The following RTRAF variants were observed in gnomAD, a reference collection of about 807,000 sequenced individuals.
RTRAF encodes RNA transcription, translation and transport factor.
A neutral mutation model predicts 34.4 loss-of-function variants in RTRAF; 14 were observed. That is an observed-to-expected ratio of 0.41 (90% CI 0.27 to 0.64). The LOEUF is 0.64. Among genes scored for constraint, RTRAF ranks in the 30% least tolerant of loss-of-function variants. The pLI, the probability that RTRAF is intolerant of heterozygous loss-of-function variation, is 0.34. For synonymous variants in RTRAF, 96 were observed against 95.3 expected (o/e 1.01, Z -0.04); for missense variants, 291 against 288.4 (o/e 1.01, Z -0.06).
intron 5 of RTRAF, among the ~76,000 whole-genome samples, chr14:52,000,184 TGTTTA>T (rs767524970): frequency 5.3e-5 from 8 of 152,146 alleles, no homozygotes; most frequent in Non-Finnish European, 8.8e-5. Flanking sequence ...ACCCTACTTC[TGTTTA>T]GTTAGTCTTT....
Position 52,004,635 on chromosome 14 carries a change from T to G in RTRAF, c.*119T>G. 1 of 951,872 alleles carries G rather than the reference T, an allele frequency of 1.1e-6. No individual in the cohort carries two copies. The highest frequency in any genetic ancestry group is 1.5e-6 in the Non-Finnish European group (1 of 648,710). The allele number at this position is 951,872 out of a possible 1,614,324, so 59.0% of individuals were successfully genotyped here. ...GAGGAAGCCCAGAAAATTGGGTATG[T>G]TCTAGAGATTTACCACCATTGCTTA... is the stretch of plus-strand genomic sequence containing the variant. On this transcript the variant is annotated 3_prime_UTR_variant, in exon 8 of 8. Transcript: ENST00000261700.
chr14:52,002,452 T>C (rs1384014865), intron 6 of RTRAF, among the ~76,000 whole-genome samples: 1 of 152,216 alleles, frequency 6.6e-6, no homozygotes. Flanking sequence ...CTTGTCAGTC[T>C]GCCCAGGTGA....
intron 6 of RTRAF, among the ~76,000 whole-genome samples, chr14:52,002,911 C>T (rs899338891): frequency 3.3e-5 from 5 of 152,156 alleles, no homozygotes; most frequent in African/African-American, 4.8e-5. Flanking sequence ...GTATATGAAT[C>T]GAGCCACTGG....
intron 3 of RTRAF, among the ~76,000 whole-genome samples, chr14:51,996,617 C>G (rs1343768198): frequency 6.6e-6 from 1 of 152,004 alleles, no homozygotes; most frequent in East Asian, 1.9e-4. Flanking sequence ...TACACAGAGG[C>G]ACACACCATT....
chr14:51,995,133 G>A (rs1324895037), intron 3 of RTRAF, among the ~76,000 whole-genome samples: 4 of 151,806 alleles, frequency 2.6e-5, no homozygotes, highest in Non-Finnish European at 4.4e-5. Context: ...ATTCCTACAT[G>A]GTACCTCTCT....
Position 51,999,725 on chromosome 14 carries a change from A to G in RTRAF, c.391A>G (p.Lys131Glu). 1 of 1,607,598 alleles carries G rather than the reference A, an allele frequency of 6.2e-7. No homozygotes were observed. Among genetic ancestry groups the G allele is most frequent in the Non-Finnish European group, 8.5e-7 (1 of 1,175,346 alleles). The change falls in exon 5 of 8, where the codon AAG (lysine) becomes GAG (glutamate). Residue 131 changes from lysine (K) to glutamate (E), a missense_variant. Coordinates refer to ENST00000261700, the MANE Select transcript of RTRAF (RefSeq NM_016039.3). ...INLDVNNPDF[K>E]AGVMALANLL... Reference sequence around the variant, plus strand: ...TTTTATAGTAAATAATCCTGATTTTAAGGCTGGTGTGATGGCTTTGGCTAA... The same window carrying G: ...TTTTATAGTAAATAATCCTGATTTTGAGGCTGGTGTGATGGCTTTGGCTAA...
rs886291802 is a variant in RTRAF at position 52,004,953 on chromosome 14, C to T, written c.*437C>T. 2 of 157,798 alleles carry T rather than the reference C, an allele frequency of 1.3e-5. No homozygotes were observed. The highest frequency in any genetic ancestry group is 2.8e-5 in the Non-Finnish European group (2 of 71,894). The allele number at this position is 157,798 out of a possible 1,614,324, so 9.8% of individuals were successfully genotyped here. A position where few individuals can be genotyped will look rare whatever the true frequency, so the allele number is the denominator to read the frequency against. On this transcript the variant is annotated 3_prime_UTR_variant, in exon 8 of 8. Transcript: ENST00000261700. ...GAAAATGCAAATTGAATCATTTTAGCACCTTTTGATATAAATAGAAATGCA... is the reference window on the plus strand; with the variant it reads ...GAAAATGCAAATTGAATCATTTTAGTACCTTTTGATATAAATAGAAATGCA...
intron 6 of RTRAF, among the ~76,000 whole-genome samples, chr14:52,002,901 G>A (rs1024700819): frequency 1.3e-5 from 2 of 152,164 alleles, no homozygotes; most frequent in African/African-American, 4.8e-5. Flanking sequence ...CTGGCTCGTT[G>A]TATATGAATC....
chr14:52,000,066 T>C (rs1890577532), intron 5 of RTRAF, among the ~76,000 whole-genome samples: 1 of 152,022 alleles, frequency 6.6e-6, no homozygotes, highest in Admixed American at 6.6e-5. Context: ...ATATATATCA[T>C]ATGAAGAAAC....
chr14:52,004,350 C>G lies in RTRAF; in HGVS notation c.581-12C>G. On this transcript the variant is annotated splice_polypyrimidine_tract_variant and intron_variant, in intron 7 of 7. Transcript: ENST00000261700. ...TTATGTATTGAAGCAGTGTTCTTTT[C>G]TCATAAAACAGATGCAGTTCTTAAT... 4 of 1,612,410 alleles carry G rather than the reference C, an allele frequency of 2.5e-6. No individual in the cohort carries two copies. Among genetic ancestry groups the G allele is most frequent in the East Asian group, 2.2e-5 (1 of 44,852 alleles).
intron 6 of RTRAF, among the ~76,000 whole-genome samples, chr14:52,002,219 CCT>C (rs1245488112): frequency 6.6e-6 from 1 of 152,188 alleles, no homozygotes; most frequent in African/African-American, 2.4e-5. Flanking sequence ...AAGGAACACA[CCT>C]CACTACAAAT....
chr14:51,990,997 C>T (rs140797903), intron 1 of RTRAF, among the ~76,000 whole-genome samples: 219 of 152,242 alleles, frequency 1.4e-3, no homozygotes, highest in African/African-American at 4.9e-3. Context: ...AAAACAACTT[C>T]TTTTAATCTT....
chr14:51,999,821 G>C, intron 5 of RTRAF, 25 bp downstream of exon 5: 1 of 1,514,476 alleles, frequency 6.6e-7, no homozygotes, highest in African/African-American at 1.4e-5. Flanking sequence ...CTTGATTCTT[G>C]ACAGAAACTG....
At position 52,004,648 on chromosome 14, in the gene RTRAF, C is replaced by T. The variant is rs117652481; in HGVS notation, c.*132C>T. 417 of 769,934 alleles carry T rather than the reference C, an allele frequency of 5.4e-4. 4 individuals are homozygous for T. The East Asian group carries it at 0.011, about 20-fold the overall frequency. The allele number at this position is 769,934 out of a possible 1,614,324, so 47.7% of individuals were successfully genotyped here. A position where few individuals can be genotyped will look rare whatever the true frequency, so the allele number is the denominator to read the frequency against. On this transcript the variant is annotated 3_prime_UTR_variant, in exon 8 of 8. Coordinates refer to ENST00000261700, the MANE Select transcript of RTRAF (RefSeq NM_016039.3). Reference sequence around the variant, plus strand: ...AAATTGGGTATGTTCTAGAGATTTACCACCATTGCTTATTGCTTTTTTCTT... The same window carrying T: ...AAATTGGGTATGTTCTAGAGATTTATCACCATTGCTTATTGCTTTTTTCTT...
chr14:51,990,676 T>C (rs1401366054), intron 1 of RTRAF, among the ~76,000 whole-genome samples: 1 of 152,228 alleles, frequency 6.6e-6, no homozygotes, highest in African/African-American at 2.4e-5. Context: ...AATGTTCTTA[T>C]CTGTAAAATG....
At chr14:51,997,408 A>G (rs1890537544) in intron 3 of RTRAF, among the ~76,000 whole-genome samples, 1 of 151,920 alleles carries the variant, frequency 6.6e-6, no homozygotes, top group Admixed American at 6.6e-5. Flanking sequence ...ATGGATTATA[A>G]TCCTTTCTGT....
Position 52,007,773 on chromosome 14 carries a change from G to A in RTRAF, c.*3257G>A. ...TGTTAGTGCTCACATTCACTGTGATGAGAGGTTATCTATTTGCATTCCATC... is the reference window on the plus strand; with the variant it reads ...TGTTAGTGCTCACATTCACTGTGATAAGAGGTTATCTATTTGCATTCCATC... On this transcript the variant is annotated 3_prime_UTR_variant, in exon 8 of 8. Coordinates refer to ENST00000261700, the MANE Select transcript of RTRAF (RefSeq NM_016039.3). 1 of 1,567,218 alleles carries A rather than the reference G, an allele frequency of 6.4e-7. No individual in the cohort carries two copies. Among genetic ancestry groups the A allele is most frequent in the African/African-American group, 1.4e-5 (1 of 73,792 alleles).
At chr14:51,997,485 A>G (rs950582284) in intron 3 of RTRAF, among the ~76,000 whole-genome samples, 3 of 151,922 alleles carry the variant, frequency 2.0e-5, no homozygotes, top group African/African-American at 7.2e-5. Context: ...ACTCTGACTT[A>G]AATTTTATGC....
At position 52,001,828 on chromosome 14, in the gene RTRAF, A is replaced by T; in HGVS notation, c.493A>T (p.Thr165Ser). Reference protein sequence around the residue: ...AIRILVQERLTQDAVAKANQT... With the variant: ...AIRILVQERLSQDAVAKANQT... ...TCGGATTTTGGTTCAGGAGCGCCTG[A>T]CACAGGATGCAGTTGCTAAGGCAAA... Residue 165 changes from threonine to serine, a missense_variant, in exon 6 of 8, where the codon ACA (threonine) becomes TCA (serine). Thr to Ser is a moderately conservative substitution (Grantham distance 58). Coordinates refer to ENST00000261700, the MANE Select transcript of RTRAF (RefSeq NM_016039.3). 13 of 1,610,382 alleles carry T rather than the reference A, an allele frequency of 8.1e-6. No homozygotes were observed. Among genetic ancestry groups the T allele is most frequent in the Non-Finnish European group, 1.1e-5 (13 of 1,179,034 alleles).
Sources: allele counts gnomAD v4.1 joint callset (sites outside exome capture counted in the v4.1 genomes callset), GRCh38; gene constraint gnomAD v4.1.1; transcripts MANE v1.5; gene names NCBI Gene and HGNC (gene_info 2026-07-23, HGNC 2026-07-21).